ATP8A1: variants seen among roughly 807,000 people sequenced by gnomAD.
ATP8A1 encodes phospholipid-transporting ATPase IA.
A neutral mutation model predicts 177.7 loss-of-function variants in ATP8A1; 90 were observed. That is an observed-to-expected ratio of 0.51 (90% CI 0.43 to 0.60). ATP8A1 has a LOEUF of 0.60. Ranked by LOEUF, ATP8A1 falls within the 20% of genes least tolerant of loss-of-function variation. The pLI, the probability that ATP8A1 is intolerant of heterozygous loss-of-function variation, is 0.00. For synonymous variants in ATP8A1, 493 were observed against 485.9 expected (o/e 1.01, Z -0.19); for missense variants, 1,072 against 1,392.8 (o/e 0.77, Z 3.67).
chr4:42,430,870 T>C (rs1417572483), intron 33 of ATP8A1, among the ~76,000 whole-genome samples: 1 of 152,192 alleles, frequency 6.6e-6, no homozygotes, highest in African/African-American at 2.4e-5. Flanking sequence ...TTCTTCCAGA[T>C]AGCCACAGGT....
chr4:42,552,447 C>G (rs1247259388), intron 17 of ATP8A1, 58 bp downstream of exon 17: 6 of 1,380,446 alleles, frequency 4.3e-6, no homozygotes, highest in Non-Finnish European at 6.0e-6. Flanking sequence ...ATTAAATTGA[C>G]TTTTACATTC....
intron 1 of ATP8A1, among the ~76,000 whole-genome samples, chr4:42,647,793 A>G (rs889443582): frequency 7.9e-5 from 12 of 152,122 alleles, no homozygotes; most frequent in African/African-American, 2.7e-4. Flanking sequence ...AAAAAGAGTA[A>G]TATCTCAGCT....
chr4:42,567,928 T>C (rs1267848510), intron 15 of ATP8A1, among the ~76,000 whole-genome samples: 1 of 152,218 alleles, frequency 6.6e-6, no homozygotes. Context: ...TTAGAGGATA[T>C]ATATATCACT....
chr4:42,494,298 CTCTG>C (rs1428001391), intron 24 of ATP8A1, among the ~76,000 whole-genome samples: 1 of 150,498 alleles, frequency 6.6e-6, no homozygotes, highest in East Asian at 2.0e-4. Flanking sequence ...TATGGTGAAA[CTCTG>C]TCTGTACTAA....
intron 15 of ATP8A1, chr4:42,562,258 AGCAG>A (rs1367210600): frequency 6.6e-6 from 1 of 152,450 alleles, no homozygotes; most frequent in Non-Finnish European, 1.5e-5. Flanking sequence ...TGCCATCGGC[AGCAG>A]GCAGAGATCC....
intron 23 of ATP8A1, among the ~76,000 whole-genome samples, chr4:42,504,467 T>A (rs1414203157): frequency 2.0e-5 from 3 of 152,244 alleles, no homozygotes; most frequent in African/African-American, 7.2e-5. Context: ...AGTTACCTGA[T>A]CTATTTCTTT....
At chr4:42,527,120 A>G (rs148470069) in intron 20 of ATP8A1, among the ~76,000 whole-genome samples, 1,554 of 148,234 alleles carry the variant, frequency 0.01, 23 homozygotes, top group African/African-American at 0.037. Flanking sequence ...CAGGGATTCT[A>G]TCTCCTGGCT....
chr4:42,438,683 A>G (rs1166234295), intron 33 of ATP8A1, among the ~76,000 whole-genome samples: 1 of 152,118 alleles, frequency 6.6e-6, no homozygotes, highest in East Asian at 1.9e-4. Context: ...GACTGAATGC[A>G]AGGAGGATGG....
chr4:42,636,768 G>A (rs946664071), intron 1 of ATP8A1, among the ~76,000 whole-genome samples: 1 of 152,110 alleles, frequency 6.6e-6, no homozygotes, highest in African/African-American at 2.4e-5. Context: ...CAGAGTCTTA[G>A]GGGACTGCTC....
rs1480665838 is a variant in ATP8A1 at position 42,419,624 on chromosome 4, G to T, written c.3305+3183C>A. Among the ~76,000 whole-genome samples, 4 of 152,226 alleles carry T rather than the reference G, an allele frequency of 2.6e-5. No homozygotes were observed. In the East Asian group the frequency reaches 7.7e-4, roughly 29 times the overall value. On this transcript the variant is annotated intron_variant, in intron 35 of 36. Transcript: ENST00000381668. ...AAGACTGGAAGATATAAAATAACATGGTGTTTTGGAACCAAAGAAAGTCTG... is the reference window on the plus strand; with the variant it reads ...AAGACTGGAAGATATAAAATAACATTGTGTTTTGGAACCAAAGAAAGTCTG...
intron 5 of ATP8A1, among the ~76,000 whole-genome samples, chr4:42,603,509 A>G (rs1406592894): frequency 1.3e-5 from 2 of 152,036 alleles, no homozygotes; most frequent in Admixed American, 1.3e-4. Context: ...GATGCAACTT[A>G]ATTTCTCTTT....
intron 27 of ATP8A1, 105 bp downstream of exon 27, chr4:42,464,585 G>A: frequency 1.5e-6 from 1 of 666,990 alleles, no homozygotes; most frequent in Non-Finnish European, 2.5e-6. Context: ...ATAAAGAGTT[G>A]GCAAATAAAA....
chr4:42,479,002 C>T (rs1476840253), intron 25 of ATP8A1, among the ~76,000 whole-genome samples: 1 of 152,210 alleles, frequency 6.6e-6, no homozygotes, highest in East Asian at 1.9e-4. Flanking sequence ...CTAGAAATTA[C>T]TCTCCTTGGA....
At chr4:42,654,595 A>G (rs1282410843) in intron 1 of ATP8A1, among the ~76,000 whole-genome samples, 5 of 152,064 alleles carry the variant, frequency 3.3e-5, no homozygotes, top group Admixed American at 3.3e-4. Flanking sequence ...CATTCCCATG[A>G]CTTATTATGG....
At chr4:42,546,975 ATCT>A (rs1201066943) in intron 19 of ATP8A1, among the ~76,000 whole-genome samples, 2 of 152,060 alleles carry the variant, frequency 1.3e-5, no homozygotes, top group African/African-American at 4.8e-5. Flanking sequence ...CTCATTTTAT[ATCT>A]TCTCTTCAGG....
intron 33 of ATP8A1, among the ~76,000 whole-genome samples, chr4:42,438,959 C>G (rs948494637): frequency 2.0e-5 from 3 of 152,126 alleles, no homozygotes; most frequent in Non-Finnish European, 2.9e-5. Context: ...CTTCCCTCCC[C>G]AACTTAGGGA....
chr4:42,581,323 C>A (rs1316552983), intron 10 of ATP8A1, among the ~76,000 whole-genome samples: 2 of 152,202 alleles, frequency 1.3e-5, no homozygotes, highest in African/African-American at 4.8e-5. Flanking sequence ...TCAGTAGAGA[C>A]GGGCTTTCAC....
At chr4:42,464,600 A>G in intron 27 of ATP8A1, 90 bp downstream of exon 27, 1 of 724,436 alleles carries the variant, frequency 1.4e-6, no homozygotes. Context: ...ATAAAATATT[A>G]ATTAAAACCA....
chr4:42,521,921 C>T (rs1452131381), intron 22 of ATP8A1, among the ~76,000 whole-genome samples: 1 of 152,144 alleles, frequency 6.6e-6, no homozygotes, highest in Non-Finnish European at 1.5e-5. Flanking sequence ...ACTGGCCAAA[C>T]CTTGATCCAA....
Sources: gnomAD v4.1 joint callset for allele counts (sites outside exome capture counted in the v4.1 genomes callset) on GRCh38, gnomAD v4.1.1 for gene constraint, MANE v1.5 for transcripts, NCBI Gene and HGNC (gene_info 2026-07-23, HGNC 2026-07-21) for gene names.